The following SORT1 variants were observed in gnomAD, a reference collection of about 807,000 sequenced individuals.
The protein encoded by SORT1 is sortilin 1.
Under a neutral mutation model 101.7 loss-of-function variants are expected in SORT1, and 39 were observed. That is an observed-to-expected ratio of 0.38 (90% CI 0.30 to 0.50). The LOEUF (loss-of-function observed/expected upper bound fraction) is 0.50, where lower values mean the gene tolerates loss of function less well. SORT1 is among the 20% of genes least tolerant of loss of function. The pLI, the probability that SORT1 is intolerant of heterozygous loss-of-function variation, is 0.90. For missense variants in SORT1, 878 were observed against 1,040.4 expected (o/e 0.84, Z 2.15); for synonymous variants, 396 against 393.7 (o/e 1.01, Z -0.07).
At chr1:109,366,225 A>G (rs57652706) in intron 3 of SORT1, among the ~76,000 whole-genome samples, 3,451 of 152,306 alleles carry the variant, frequency 0.023, 138 homozygotes, top group African/African-American at 0.079. Flanking sequence ...CACCAATGTC[A>G]CAGTATAGGT....
chr1:109,374,249 G>C (rs1651672963), intron 1 of SORT1, among the ~76,000 whole-genome samples: 1 of 152,054 alleles, frequency 6.6e-6, no homozygotes, highest in African/African-American at 2.4e-5. Flanking sequence ...AATGGATTGA[G>C]AATGTTAAAG....
intron 10 of SORT1, among the ~76,000 whole-genome samples, chr1:109,337,197 C>T (rs1322313063): frequency 6.6e-6 from 1 of 152,090 alleles, no homozygotes; most frequent in Non-Finnish European, 1.5e-5. Context: ...TAAACTGTTG[C>T]AGGTTTTAAA....
chr1:109,323,612 C>T (rs1319412881), intron 14 of SORT1, among the ~76,000 whole-genome samples: 1 of 152,218 alleles, frequency 6.6e-6, no homozygotes, highest in Non-Finnish European at 1.5e-5. Context: ...CATCCTTTTC[C>T]TAGACTTCTA....
chr1:109,390,803 G>A (rs961954309), intron 1 of SORT1, among the ~76,000 whole-genome samples: 5 of 151,372 alleles, frequency 3.3e-5, no homozygotes, highest in East Asian at 1.9e-4. Context: ...GTGTGTGCGC[G>A]CGCGCGTTTT....
rs1650179849 is a variant in SORT1 at position 109,354,532 on chromosome 1, C to G, written c.544-1G>C. The G allele has an allele frequency of 6.2e-7, 1 of 1,610,248 alleles. No homozygotes were observed. Among genetic ancestry groups the G allele is most frequent in the African/African-American group, 1.3e-5 (1 of 74,854 alleles). ...CAGACACCTCTGCTGTTAACACCAC[C>G]TGATAGGAAGAGGAAAGATCTGATT... is the stretch of plus-strand genomic sequence containing the variant. On this transcript the variant is annotated splice_acceptor_variant, in intron 4 of 19. Transcript: ENST00000256637. LOFTEE classifies it high-confidence loss of function.
chr1:109,388,579 G>A (rs772731346), intron 1 of SORT1, among the ~76,000 whole-genome samples: 26 of 152,046 alleles, frequency 1.7e-4, no homozygotes, highest in Admixed American at 8.5e-4. Flanking sequence ...GTTCTTGTGA[G>A]TACCTATAAT....
intron 2 of SORT1, among the ~76,000 whole-genome samples, chr1:109,369,066 T>A (rs1321198432): frequency 1.3e-5 from 1 of 78,132 alleles, no homozygotes; most frequent in Non-Finnish European, 2.9e-5. Context: ...ATGCCTGTAA[T>A]CCCAGCACTT....
chr1:109,341,583 T>G (rs938980569), intron 9 of SORT1, among the ~76,000 whole-genome samples: 1 of 152,106 alleles, frequency 6.6e-6, no homozygotes, highest in African/African-American at 2.4e-5. Context: ...TCTCCTGACC[T>G]CGTGATCTGC....
At chr1:109,328,309 T>TAAA (rs1175482193) in intron 11 of SORT1, among the ~76,000 whole-genome samples, 1 of 152,238 alleles carries the variant, frequency 6.6e-6, no homozygotes, top group Non-Finnish European at 1.5e-5. Flanking sequence ...TTTTAGGAAC[T>TAAA]ACTATGCTGT....
At chr1:109,383,983 A>G (rs1003860532) in intron 1 of SORT1, among the ~76,000 whole-genome samples, 11 of 152,194 alleles carry the variant, frequency 7.2e-5, no homozygotes, top group Non-Finnish European at 5.9e-5. Flanking sequence ...ACCTGACATC[A>G]TTACCGAAGT....
At chr1:109,362,842 T>C (rs1650817741) in intron 3 of SORT1, among the ~76,000 whole-genome samples, 1 of 152,116 alleles carries the variant, frequency 6.6e-6, no homozygotes, top group Non-Finnish European at 1.5e-5. Context: ...TAAATGGAAT[T>C]TATCCCAACC....
intron 13 of SORT1, among the ~76,000 whole-genome samples, chr1:109,325,389 G>T (rs969502820): frequency 6.6e-6 from 1 of 151,660 alleles, no homozygotes; most frequent in African/African-American, 2.4e-5. Flanking sequence ...TTACAGGAAC[G>T]TGCCACCACA....
chr1:109,355,419 G>A lies in SORT1; in HGVS notation c.491C>T (p.Thr164Ile). ...FKDITDLINN[T>I]FIRTEFGMAI... ...CATGCCAAATTCAGTCCGAATAAAG[G>A]TGTTATTGATGAGATCTGTAATATC... is the stretch of plus-strand genomic sequence containing the variant. The change falls in exon 4 of 20, where the codon ACC (threonine) becomes ATC (isoleucine). Residue 164 changes from threonine (T) to isoleucine (I), a missense_variant. Thr to Ile is a moderately conservative substitution (Grantham distance 89, BLOSUM62 -1). Transcript: ENST00000256637. 1 of 1,607,304 alleles carries A rather than the reference G, an allele frequency of 6.2e-7. No homozygotes were observed. The highest frequency in any genetic ancestry group is 1.7e-4 in the Middle Eastern group (1 of 6,054).
At chr1:109,322,464 G>A (rs1312338570) in intron 15 of SORT1, among the ~76,000 whole-genome samples, 3 of 152,020 alleles carry the variant, frequency 2.0e-5, no homozygotes, top group Admixed American at 2.0e-4. Context: ...TAACAATTCT[G>A]GTTTCCTTTC....
At chr1:109,332,047 A>T (rs1648496645) in intron 11 of SORT1, among the ~76,000 whole-genome samples, 1 of 152,014 alleles carries the variant, frequency 6.6e-6, no homozygotes, top group East Asian at 1.9e-4. Context: ...CAAAAAAAAA[A>T]AAAAGGAAAT....
intron 3 of SORT1, among the ~76,000 whole-genome samples, chr1:109,357,255 G>T (rs1200827757): frequency 2.0e-5 from 3 of 152,224 alleles, no homozygotes; most frequent in African/African-American, 7.2e-5. Context: ...TACACTCTGT[G>T]ATGTTTGCAC....
At chr1:109,381,432 A>T (rs1361993285) in intron 1 of SORT1, among the ~76,000 whole-genome samples, 1 of 152,234 alleles carries the variant, frequency 6.6e-6, no homozygotes, top group Non-Finnish European at 1.5e-5. Flanking sequence ...AAGGAAAAAA[A>T]GAAGAAACGT....
rs1445454167 is a variant in SORT1, at chr1:109,309,648, G to A, written c.*4395C>T. On this transcript the variant is annotated 3_prime_UTR_variant, in exon 20 of 20. Coordinates refer to ENST00000256637, the MANE Select transcript of SORT1 (RefSeq NM_002959.7). Reference sequence around the variant, plus strand: ...ATATACAGAAAATTACCAGTACAAAGTTAAACACATTCAGATTTATTTACA... The same window carrying A: ...ATATACAGAAAATTACCAGTACAAAATTAAACACATTCAGATTTATTTACA... 6.6e-6 allele frequency: 1 copy of A among 152,130 alleles called. No homozygotes were observed. Among genetic ancestry groups the A allele is most frequent in the African/African-American group, 2.4e-5 (1 of 41,420 alleles). 9.4% of individuals were successfully genotyped at this position (152,130 alleles called of 1,614,324 possible). A position where few individuals can be genotyped will look rare whatever the true frequency, so the allele number is the denominator to read the frequency against.
At chr1:109,323,478 G>A (rs924603162) in intron 14 of SORT1, among the ~76,000 whole-genome samples, 1 of 152,204 alleles carries the variant, frequency 6.6e-6, no homozygotes, top group African/African-American at 2.4e-5. Flanking sequence ...AGCTGTCAGA[G>A]GTAAGCAACC....
Sources: gnomAD v4.1 joint callset for allele counts (sites outside exome capture counted in the v4.1 genomes callset) on GRCh38, gnomAD v4.1.1 for gene constraint, MANE v1.5 for transcripts, NCBI Gene and HGNC (gene_info 2026-07-23, HGNC 2026-07-21) for gene names.